The following TXLNA variants were observed in gnomAD, a reference collection of about 807,000 sequenced individuals.
TXLNA encodes alpha-taxilin.
TXLNA carries 9 observed loss-of-function variants against 61.4 expected under a neutral mutation model. The observed-to-expected ratio is 0.15, with a 90% CI of 0.09 to 0.26. TXLNA has a LOEUF of 0.26. Ranked by LOEUF, TXLNA falls within the 10% of genes least tolerant of loss-of-function variation. TXLNA has a pLI of 1.00. For synonymous variants in TXLNA, 257 were observed against 267.7 expected, an observed-to-expected ratio of 0.96 and a Z score of 0.39; for missense variants, 565 against 688.8, an observed-to-expected ratio of 0.82 and a Z score of 2.01.
chr1:32,191,804 TC>T (rs2124159051), intron 6 of TXLNA, among the ~76,000 whole-genome samples: 1 of 152,312 alleles, frequency 6.6e-6, no homozygotes, highest in African/African-American at 2.4e-5. Context: ...CTTCTCTCCA[TC>T]CCTTCTCTCT....
At chr1:32,188,674 G>C (rs1642840955) in intron 5 of TXLNA, among the ~76,000 whole-genome samples, 1 of 151,636 alleles carries the variant, frequency 6.6e-6, no homozygotes, top group Non-Finnish European at 1.5e-5. Context: ...TTGTGGCATA[G>C]AAATACACTT....
At position 32,196,594 on chromosome 1, in the gene TXLNA, G is replaced by C. The variant is rs1447664303; in HGVS notation, c.*1399G>C. The C allele has an allele frequency of 6.6e-6, 1 of 152,152 alleles. No individual in the cohort carries two copies. The highest frequency in any genetic ancestry group is 1.9e-4 in the East Asian group (1 of 5,200). The allele number at this position is 152,152 out of a possible 1,614,324, so 9.4% of individuals were successfully genotyped here. Reference sequence around the variant, plus strand: ...ACTGTGTAGAGCCATTCTATATGCTGAATGTTCTGCTGTTGCAAACTTGCC... The same window carrying C: ...ACTGTGTAGAGCCATTCTATATGCTCAATGTTCTGCTGTTGCAAACTTGCC... On this transcript the variant is annotated 3_prime_UTR_variant, in exon 11 of 11. Coordinates refer to ENST00000373610, the MANE Select transcript of TXLNA (RefSeq NM_175852.4).
At position 32,192,366 on chromosome 1, in the gene TXLNA, A is replaced by G. The variant is rs764337908; in HGVS notation, c.1019A>G (p.Lys340Arg). The change falls in exon 7 of 11, where the codon AAG (lysine) becomes AGG (arginine). Residue 340 changes from lysine to arginine, a missense_variant. By Grantham distance (26) the Lys-to-Arg change is conservative. Coordinates refer to ENST00000373610, the MANE Select transcript of TXLNA (RefSeq NM_175852.4). The surrounding 1 kb of genome is among the most constrained non-coding windows in gnomAD (Gnocchi z 4.2). ...KDLQQQLVDA[K>R]LQQAQEMLKE... ...CTACAACAGCAGCTGGTGGATGCCA[A>G]GCTCCAGCAGGCCCAGGAGATGCTA... is the stretch of plus-strand genomic sequence containing the variant. 3.1e-6 allele frequency: 5 copies of G among 1,614,246 alleles called. No homozygotes were observed. Among genetic ancestry groups the G allele is most frequent in the Non-Finnish European group, 4.2e-6 (5 of 1,180,042 alleles).
At chr1:32,194,642 A>C (rs890636515) in intron 10 of TXLNA, among the ~76,000 whole-genome samples, 4 of 152,180 alleles carry the variant, frequency 2.6e-5, no homozygotes, top group Admixed American at 6.5e-5. Flanking sequence ...TAGATGAGAC[A>C]GGCTCAAAAG....
At chr1:32,193,501 C>T (rs60708887) in intron 9 of TXLNA, among the ~76,000 whole-genome samples, 14,128 of 151,806 alleles carry the variant, frequency 0.093, 878 homozygotes, top group South Asian at 0.25. Flanking sequence ...GCAGTCTTTT[C>T]TGTTTGTTTG....
chr1:32,193,018 A>G (rs1286106970), intron 8 of TXLNA, among the ~76,000 whole-genome samples, 190 bp from the exon 9 acceptor site: 1 of 152,102 alleles, frequency 6.6e-6, no homozygotes. Context: ...AAGTCACCCT[A>G]AGTCTCCTAC....
chr1:32,190,296 T>C (rs1333025714), intron 6 of TXLNA, 47 bp downstream of exon 6: 2 of 1,539,340 alleles, frequency 1.3e-6, no homozygotes, highest in Admixed American at 3.8e-5. Flanking sequence ...TTGTGAGGTT[T>C]TGAGTGTGTG....
At chr1:32,187,248 A>G (rs528806648) in intron 4 of TXLNA, among the ~76,000 whole-genome samples, 1 of 152,356 alleles carries the variant, frequency 6.6e-6, no homozygotes, top group African/African-American at 2.4e-5. Context: ...TGTTTTGGAT[A>G]TTAGGTTAAA....
chr1:32,184,687 G>T, intron 4 of TXLNA, 71 bp downstream of exon 4: 1 of 1,071,864 alleles, frequency 9.3e-7, no homozygotes, highest in Non-Finnish European at 1.4e-6. Flanking sequence ...GTAAGGTTGG[G>T]GGTGCAGAGT....
At chr1:32,188,752 G>A (rs1269309693) in intron 5 of TXLNA, among the ~76,000 whole-genome samples, 1 of 152,162 alleles carries the variant, frequency 6.6e-6, no homozygotes, top group Admixed American at 6.5e-5. Flanking sequence ...ATAAGGTGAA[G>A]GATAAAGTAC....
chr1:32,192,224 G>A lies in TXLNA; in HGVS notation c.964-87G>A, dbSNP rs1449480187. 7.7e-6 allele frequency: 12 copies of A among 1,559,326 alleles called. No individual in the cohort carries two copies. The highest frequency in any genetic ancestry group is 9.6e-6 in the Non-Finnish European group (11 of 1,146,024). On this transcript the variant is annotated intron_variant, in intron 6 of 10. Transcript: ENST00000373610. The surrounding 1 kb of genome is among the most constrained non-coding windows in gnomAD (Gnocchi z 4.2). ...CATATCAGATTGAGATGGGGGGCTG[G>A]GCAAAGTGCCCTGGTCTGTGGCTGT...
At chr1:32,184,707 GGCTTAATTCCTGTTCA>G in intron 4 of TXLNA, 91 bp downstream of exon 4, 2 of 804,890 alleles carry the variant, frequency 2.5e-6, no homozygotes, top group Non-Finnish European at 4.1e-6. Context: ...TCAAGTAGGT[GGCTTAATTCCTGTTCA>G]GCTTTTCTCT....
Position 32,195,613 on chromosome 1 carries a change from A to C in TXLNA, c.*418A>C, listed in dbSNP as rs1353001490. The C allele has an allele frequency of 4.8e-6, 2 of 413,392 alleles. No homozygotes were observed. Among genetic ancestry groups the C allele is most frequent in the Admixed American group, 6.2e-5 (2 of 32,380 alleles). The allele number at this position is 413,392 out of a possible 1,614,324, so 25.6% of individuals were successfully genotyped here. A position where few individuals can be genotyped will look rare whatever the true frequency, so the allele number is the denominator to read the frequency against. On this transcript the variant is annotated 3_prime_UTR_variant, in exon 11 of 11. Transcript: ENST00000373610. ...AGACAAGTAATACACCCAGGTCTTG[A>C]CTGCATTTGTCTTGTGAGCAGGGCT...
chr1:32,191,684 A>T (rs1248623907), intron 6 of TXLNA, among the ~76,000 whole-genome samples: 2 of 152,162 alleles, frequency 1.3e-5, no homozygotes, highest in Non-Finnish European at 2.9e-5. Flanking sequence ...CCCAAACTGG[A>T]CTTACCTGCT....
intron 2 of TXLNA, 56 bp from the exon 3 acceptor site, chr1:32,181,186 A>G (rs1051205384): frequency 1.3e-5 from 18 of 1,420,254 alleles, no homozygotes; most frequent in Middle Eastern, 2.3e-4. Flanking sequence ...AAAAATCCCA[A>G]CCAGTGGTAT....
chr1:32,191,140 C>T (rs115624823), intron 6 of TXLNA, among the ~76,000 whole-genome samples: 1,690 of 151,016 alleles, frequency 0.011, 17 homozygotes, highest in Non-Finnish European at 0.018. Context: ...TTTGTCACTG[C>T]GTTGGCTGCC....
In TXLNA at chr1:32,188,002, A is replaced by C. The variant is rs923775750; in HGVS notation, c.646A>C (p.Lys216Gln). The part of the protein sequence containing the change: ...SQKQMKLLQK[K>Q]QSQLVQEKDH... ...GAAGCAGATGAAGCTCCTACAGAAA[A>C]AGCAGAGCCAGCTGGTGCAAGAGAA... The change falls in exon 5 of 11, where the codon AAG (lysine) becomes CAG (glutamine). Residue 216 changes from lysine to glutamine, a missense_variant. Lys to Gln is a moderately conservative substitution (Grantham distance 53). Transcript: ENST00000373610. 6.2e-7 allele frequency: 1 copy of C among 1,613,592 alleles called. No homozygotes were observed. The highest frequency in any genetic ancestry group is 8.5e-7 in the Non-Finnish European group (1 of 1,179,848).
chr1:32,183,872 G>T (rs1368730058), intron 3 of TXLNA, among the ~76,000 whole-genome samples: 3 of 151,994 alleles, frequency 2.0e-5, no homozygotes, highest in African/African-American at 7.3e-5. Context: ...GAGTAACTGG[G>T]ACTACAGGCG....
At chr1:32,187,006 C>T (rs1299767815) in intron 4 of TXLNA, among the ~76,000 whole-genome samples, 1 of 152,210 alleles carries the variant, frequency 6.6e-6, no homozygotes, top group Non-Finnish European at 1.5e-5. Flanking sequence ...AAACGATTCT[C>T]CTGCCTCACA....
Sources: gnomAD v4.1 joint callset for allele counts (sites outside exome capture counted in the v4.1 genomes callset) on GRCh38, gnomAD v4.1.1 for gene constraint, Gnocchi (gnomAD v3.1) non-coding constraint, MANE v1.5 for transcripts, NCBI Gene and HGNC (gene_info 2026-07-23, HGNC 2026-07-21) for gene names.